Variants in RAB4B observed in about 807,000 individuals in gnomAD.
The protein encoded by RAB4B is RAB4B, member RAS oncogene family.
In RAB4B, 15 loss-of-function variants were observed where a neutral mutation model predicts 28.3. The observed-to-expected ratio is 0.53, with a 90% CI of 0.35 to 0.82. RAB4B has a LOEUF of 0.82. Ranked by LOEUF, RAB4B falls within the 40% of genes least tolerant of loss-of-function variation. The pLI, the probability that RAB4B is intolerant of heterozygous loss-of-function variation, is 0.01. For synonymous variants in RAB4B, 108 were observed against 116.3 expected (o/e 0.93, Z 0.46); for missense variants, 244 against 288.5 (o/e 0.85, Z 1.12).
At chr19:40,796,349 GCTCT>G (rs2083209750) in intron 7 of RAB4B, 1 of 152,244 alleles carries the variant, frequency 6.6e-6, no homozygotes, top group African/African-American at 2.4e-5. Flanking sequence ...GACTCAGACA[GCTCT>G]CTGAGGCAAA....
At position 40,784,775 on chromosome 19, in the gene RAB4B, C is replaced by T. The variant is rs115301173; in HGVS notation, c.430+700C>T. On this transcript the variant is annotated intron_variant, in intron 5 of 7. Transcript: ENST00000357052. ...TATTTTATTTATTTTTTCCTCCTAC[C>T]GCACCTTCCTGGGTATTGGTTTAAT... Among the ~76,000 whole-genome samples the T allele has an allele frequency of 6.9e-3, 1,042 of 151,838 alleles. 15 individuals are homozygous for T. Among genetic ancestry groups the T allele is most frequent in the African/African-American group, 0.023 (967 of 41,396 alleles).
intron 7 of RAB4B, among the ~76,000 whole-genome samples, chr19:40,790,434 G>A (rs1465038009): frequency 5.5e-5 from 8 of 144,694 alleles, no homozygotes; most frequent in Non-Finnish European, 1.1e-4. Context: ...GCAGTGGCGC[G>A]ATCTTGGCTT....
chr19:40,793,629 T>G (rs1224585343), intron 7 of RAB4B, among the ~76,000 whole-genome samples: 3 of 148,934 alleles, frequency 2.0e-5, no homozygotes, highest in African/African-American at 7.4e-5. Flanking sequence ...GGGGTTGGTC[T>G]TAAGCTCCTG....
intron 7 of RAB4B, among the ~76,000 whole-genome samples, chr19:40,795,519 C>T (rs999924281): frequency 3.3e-5 from 5 of 151,852 alleles, no homozygotes; most frequent in African/African-American, 9.7e-5. Flanking sequence ...CCTGCCTCAG[C>T]CTCCCAAGTA....
At chr19:40,792,890 C>T (rs1316501008) in intron 7 of RAB4B, among the ~76,000 whole-genome samples, 3 of 151,938 alleles carry the variant, frequency 2.0e-5, no homozygotes, top group South Asian at 4.1e-4. Flanking sequence ...AAGCAATTCT[C>T]CTGCCTCAAC....
chr19:40,780,911 T>C (rs1288214753), intron 3 of RAB4B, among the ~76,000 whole-genome samples: 2 of 151,348 alleles, frequency 1.3e-5, no homozygotes, highest in African/African-American at 4.9e-5. Flanking sequence ...AAGGGGAAAC[T>C]TGAGAGACTC....
At chr19:40,787,807 C>A (rs1050279616) in intron 7 of RAB4B, among the ~76,000 whole-genome samples, 1 of 151,566 alleles carries the variant, frequency 6.6e-6, no homozygotes, top group African/African-American at 2.4e-5. Flanking sequence ...ACTAAAAATA[C>A]AAAAATTAGC....
At position 40,786,673 on chromosome 19, in the gene RAB4B, T is replaced by A. The variant is rs2083102393; in HGVS notation, c.439T>A (p.Phe147Ile). 2 of 1,613,876 alleles carry A rather than the reference T, an allele frequency of 1.2e-6. No homozygotes were observed. Among genetic ancestry groups the A allele is most frequent in the South Asian group, 1.1e-5 (1 of 91,072 alleles). ...SRFAQENELM[F>I]LETSALTGEN... ...AGTGTGTGCCCCTGCAGAGCTGATG[T>A]TCCTGGAGACCAGCGCTCTCACAGG... Residue 147 changes from phenylalanine (F) to isoleucine (I), a missense_variant, in exon 6 of 8, where the codon TTC becomes ATC. Coordinates refer to ENST00000357052, the MANE Select transcript of RAB4B (RefSeq NM_016154.5).
intron 7 of RAB4B, among the ~76,000 whole-genome samples, chr19:40,792,984 G>A (rs531832883): frequency 2.0e-5 from 3 of 152,068 alleles, no homozygotes; most frequent in African/African-American, 7.2e-5. Context: ...TTTGACCGTG[G>A]CCAGGCTGGC....
In RAB4B at chr19:40,786,726, G is replaced by A; in HGVS notation, c.492G>A (p.Lys164=). The A allele has an allele frequency of 6.2e-7, 1 of 1,614,110 alleles. No homozygotes were observed. Among genetic ancestry groups the A allele is most frequent in the Non-Finnish European group, 8.5e-7 (1 of 1,179,994 alleles). Residue 164 remains lysine (K), a synonymous_variant, in exon 6 of 8, where the codon AAG becomes AAA. Transcript: ENST00000357052. ...TGENVEEAFL[K]CARTILNKID... The stretch of plus-strand genomic sequence containing the variant: ...AGAACGTGGAGGAGGCGTTCCTCAA[G>A]TGTGCCCGCACTATCCTCAACAAGA...
intron 1 of RAB4B, 52 bp from the exon 2 acceptor site, chr19:40,779,967 C>T (rs1259437964): frequency 1.2e-6 from 2 of 1,608,768 alleles, no homozygotes; most frequent in Non-Finnish European, 1.7e-6. Flanking sequence ...TCTTTTTTCC[C>T]TGTATCTTTC....
At chr19:40,786,815 G>C (rs374973858) in intron 6 of RAB4B, 33 bp from the exon 7 acceptor site, 50 of 1,613,984 alleles carry the variant, frequency 3.1e-5, no homozygotes, top group Non-Finnish European at 3.9e-5. Flanking sequence ...GGGTCTCCAG[G>C]CAACCAATGC....
At chr19:40,787,174 G>A (rs1209720895) in intron 7 of RAB4B, among the ~76,000 whole-genome samples, 196 bp downstream of exon 7, 5 of 151,986 alleles carry the variant, frequency 3.3e-5, no homozygotes, top group Admixed American at 6.6e-5. Context: ...AGTCCGAGGC[G>A]GGCGGAGGCA....
At chr19:40,779,896 CTA>C (rs773804190) in intron 1 of RAB4B, 121 bp from the exon 2 acceptor site, 17 of 1,573,720 alleles carry the variant, frequency 1.1e-5, no homozygotes, top group Admixed American at 5.6e-5. Context: ...TTGTTTCTGC[CTA>C]TGTCTGTTTC....
chr19:40,784,215 G>T, intron 5 of RAB4B, 140 bp downstream of exon 5: 2 of 1,206,024 alleles, frequency 1.7e-6, no homozygotes, highest in East Asian at 2.6e-5. Context: ...GTGTTGGCTG[G>T]GTGTAGTGGC....
intron 1 of RAB4B, among the ~76,000 whole-genome samples, chr19:40,778,696 A>G (rs1251288484): frequency 1.3e-5 from 2 of 151,838 alleles, no homozygotes; most frequent in East Asian, 1.9e-4. Context: ...GCCTGAGTGA[A>G]GGGGCGGGGC....
At chr19:40,793,296 A>C (rs1157933407) in intron 7 of RAB4B, among the ~76,000 whole-genome samples, 2 of 151,322 alleles carry the variant, frequency 1.3e-5, no homozygotes, top group African/African-American at 4.9e-5. Flanking sequence ...GTGCAGTGGC[A>C]CCATCTCAGC....
In RAB4B at chr19:40,780,519, A is replaced by G. The variant is rs367751730; in HGVS notation, c.212+20A>G. On this transcript the variant is annotated intron_variant, in intron 3 of 7. Coordinates refer to ENST00000357052, the MANE Select transcript of RAB4B (RefSeq NM_016154.5). ...GTTTCGGTAGGTGGGCTGGGCTCCC[A>G]AGGGTGATGGGGAGAGAGAGTGAGA... The G allele has an allele frequency of 4.8e-5, 76 of 1,591,310 alleles. No homozygotes were observed. The highest frequency in any genetic ancestry group is 6.4e-5 in the Non-Finnish European group (74 of 1,161,070).
At position 40,780,059 on chromosome 19, in the gene RAB4B, T is replaced by A; in HGVS notation, c.57T>A (p.Thr19=). ...FKFLVIGSAG[T]GKSCLLHQFI... ...TCCTGGTGATTGGCAGTGCAGGAACTGGCAAATCATGTCTCCTTCATCAGT... is the reference window on the plus strand; with the variant it reads ...TCCTGGTGATTGGCAGTGCAGGAACAGGCAAATCATGTCTCCTTCATCAGT... Residue 19 remains threonine (T), a synonymous_variant, in exon 2 of 8, where the codon ACT becomes ACA. Transcript: ENST00000357052. 1 of 1,611,302 alleles carries A rather than the reference T, an allele frequency of 6.2e-7. No individual in the cohort carries two copies.
Sources: allele counts gnomAD v4.1 joint callset (sites outside exome capture counted in the v4.1 genomes callset), GRCh38; gene constraint gnomAD v4.1.1; transcripts MANE v1.5; gene names NCBI Gene and HGNC (gene_info 2026-07-23, HGNC 2026-07-21).